The following PRKCZ variants were observed in gnomAD, a reference collection of about 807,000 sequenced individuals.
PRKCZ encodes protein kinase C zeta type.
In PRKCZ, 33 loss-of-function variants were observed where a neutral mutation model predicts 79.5. The ratio of observed to expected loss-of-function variants is 0.41; its 90% CI spans 0.31 to 0.55. PRKCZ has a LOEUF of 0.55. PRKCZ is among the 20% of genes least tolerant of loss of function. PRKCZ has a pLI of 0.19. For synonymous variants in PRKCZ, 342 were observed against 320.9 expected, an observed-to-expected ratio of 1.07 and a Z score of -0.70; for missense variants, 578 against 813.5, an observed-to-expected ratio of 0.71 and a Z score of 3.52.
At chr1:2,131,581 A>G (rs1413068849) in intron 4 of PRKCZ, among the ~76,000 whole-genome samples, 1 of 152,180 alleles carries the variant, frequency 6.6e-6, no homozygotes, top group East Asian at 1.9e-4. Flanking sequence ...TTGTTATTCA[A>G]CATACCATTT....
rs1675956164 is a variant in PRKCZ, at chr1:2,135,299, G to A, written c.372G>A (p.Lys124=). The change falls in exon 5 of 18, where the codon AAG becomes AAA. Residue 124 remains lysine, a synonymous_variant. Transcript: ENST00000378567. ...IYRRGARRWR[K]LYRANGHLFQ... ...GCCGGGGAGCCAGAAGATGGAGGAA[G>A]CTGTACCGTGCCAACGGCCACCTCT... is the stretch of plus-strand genomic sequence containing the variant. 4 of 1,613,520 alleles carry A rather than the reference G, an allele frequency of 2.5e-6. No individual in the cohort carries two copies. Among genetic ancestry groups the A allele is most frequent in the Non-Finnish European group, 3.4e-6 (4 of 1,179,894 alleles).
chr1:2,066,109 T>C (rs1661103227), intron 4 of PRKCZ, among the ~76,000 whole-genome samples: 1 of 152,216 alleles, frequency 6.6e-6, no homozygotes, highest in South Asian at 2.1e-4. Flanking sequence ...ATTACATCTG[T>C]GTTAATAAAG....
At chr1:2,066,411 C>T (rs1286638224) in intron 4 of PRKCZ, among the ~76,000 whole-genome samples, 3 of 152,212 alleles carry the variant, frequency 2.0e-5, no homozygotes, top group Non-Finnish European at 4.4e-5. Context: ...GGCTCGATCT[C>T]AGCTCATGTC....
In PRKCZ at chr1:2,128,789, C is replaced by T. The variant is rs1299454734; in HGVS notation, c.335-6473C>T. Among the ~76,000 whole-genome samples the T allele has an allele frequency of 6.6e-6, 1 of 152,184 alleles. No homozygotes were observed. The highest frequency in any genetic ancestry group is 1.5e-5 in the Non-Finnish European group (1 of 68,032). On this transcript the variant is annotated intron_variant, in intron 4 of 17. Coordinates refer to ENST00000378567, the MANE Select transcript of PRKCZ (RefSeq NM_002744.6). The surrounding 1 kb of genome is among the most constrained non-coding windows in gnomAD (Gnocchi z 6.5). ...CAGGAGACCCCAGGCTGTGTCCACA[C>T]GTACCCCCGGAAGGACCTCCTGCTA... is the stretch of plus-strand genomic sequence containing the variant.
At chr1:2,157,903 C>T (rs1211503515) in intron 10 of PRKCZ, among the ~76,000 whole-genome samples, 1 of 151,784 alleles carries the variant, frequency 6.6e-6, no homozygotes, top group Non-Finnish European at 1.5e-5. Context: ...TTCCCAGCCC[C>T]AGCTCCGGGC....
intron 10 of PRKCZ, among the ~76,000 whole-genome samples, chr1:2,160,202 C>G (rs1460184507): frequency 6.6e-6 from 1 of 151,764 alleles, no homozygotes; most frequent in Non-Finnish European, 1.5e-5. Flanking sequence ...GTCAAACTGA[C>G]TTCTAGACAT....
At chr1:2,120,293 G>GTTTTTTTTTTTTTTTTTT (rs59518072) in intron 4 of PRKCZ, among the ~76,000 whole-genome samples, 2 of 32,832 alleles carry the variant, frequency 6.1e-5, no homozygotes, top group Non-Finnish European at 1.1e-4. Flanking sequence ...TTGACTTTTC[G>GTTTTTTTTTTTTTTTTTT]TTTTTTTTTT....
chr1:2,090,548 C>G (rs1016690656), intron 4 of PRKCZ, among the ~76,000 whole-genome samples: 1 of 152,218 alleles, frequency 6.6e-6, no homozygotes, highest in Admixed American at 6.5e-5. Flanking sequence ...AAGTCTGCCC[C>G]GGTCCCTGGG....
chr1:2,060,400 C>T (rs1007377354), intron 4 of PRKCZ, among the ~76,000 whole-genome samples: 3 of 152,210 alleles, frequency 2.0e-5, no homozygotes, highest in African/African-American at 7.2e-5. Context: ...GGAGCAGATT[C>T]AGGCCAAGAG....
chr1:2,106,622 T>C (rs1383900394), intron 4 of PRKCZ, among the ~76,000 whole-genome samples: 2 of 54,040 alleles, frequency 3.7e-5, no homozygotes, highest in East Asian at 4.7e-4. Context: ...CCAGGCCAGG[T>C]AACTCTCAGC....
chr1:2,184,550 C>G (rs45536443), intron 16 of PRKCZ, 33 bp from the exon 17 acceptor site: 10 of 1,563,984 alleles, frequency 6.4e-6, no homozygotes, highest in Non-Finnish European at 8.8e-6. Flanking sequence ...GATGCCCGCG[C>G]GGAGCTGACC....
At chr1:2,074,991 T>A (rs1662130642) in intron 4 of PRKCZ, 1 of 151,242 alleles carries the variant, frequency 6.6e-6, no homozygotes, top group African/African-American at 2.4e-5. Flanking sequence ...CGGCTTTCCC[T>A]CTCGGGGGGT....
rs1363298096 is a variant in PRKCZ at position 2,128,375 on chromosome 1, C to T, written c.335-6887C>T. 1.3e-5 allele frequency among the ~76,000 whole-genome samples: 2 copies of T among 152,360 alleles called. No individual in the cohort carries two copies. Among genetic ancestry groups the T allele is most frequent in the East Asian group, 1.9e-4 (1 of 5,190 alleles). On this transcript the variant is annotated intron_variant, in intron 4 of 17. Transcript: ENST00000378567. The surrounding 1 kb of genome is among the most constrained non-coding windows in gnomAD (Gnocchi z 6.5). Reference sequence around the variant, plus strand: ...CTGACCTGCTGCCAGGGACTCGGCCCCTCCCTCACCGCCACCGCACCCAAG... The same window carrying T: ...CTGACCTGCTGCCAGGGACTCGGCCTCTCCCTCACCGCCACCGCACCCAAG...
chr1:2,180,880 G>A (rs1242157799), intron 16 of PRKCZ, among the ~76,000 whole-genome samples: 2 of 152,258 alleles, frequency 1.3e-5, no homozygotes, highest in South Asian at 4.1e-4. Context: ...GTGCAGGGTG[G>A]TCTCAGGGAC....
At chr1:2,118,235 G>C in intron 4 of PRKCZ, among the ~76,000 whole-genome samples, 1 of 151,776 alleles carries the variant, frequency 6.6e-6, no homozygotes, top group Admixed American at 6.6e-5. Flanking sequence ...GACCTTAGGT[G>C]ATCCGCCCGC....
At position 2,173,011 on chromosome 1, in the gene PRKCZ, G is replaced by A. The variant is rs1684764690; in HGVS notation, c.1285+623G>A. ...CGTGGGCACGCGTGTGCAGCCCTGT[G>A]TGCGTGTGTGCCGTTGGGCTGAGTG... On this transcript the variant is annotated intron_variant, in intron 13 of 17. Coordinates refer to ENST00000378567, the MANE Select transcript of PRKCZ (RefSeq NM_002744.6). The surrounding 1 kb of genome is among the most constrained non-coding windows in gnomAD (Gnocchi z 5.7). Among the ~76,000 whole-genome samples, 2 of 152,218 alleles carry A rather than the reference G, an allele frequency of 1.3e-5. No individual in the cohort carries two copies. The highest frequency in any genetic ancestry group is 1.3e-4 in the Admixed American group (2 of 15,282).
chr1:2,182,905 T>TA (rs1686901451), intron 16 of PRKCZ: 1 of 152,206 alleles, frequency 6.6e-6, no homozygotes, highest in Admixed American at 6.6e-5. Flanking sequence ...AGGAGTGGGT[T>TA]AGAGAGCGAG....
chr1:2,097,522 G>A (rs1057090737), intron 4 of PRKCZ, among the ~76,000 whole-genome samples: 2 of 152,226 alleles, frequency 1.3e-5, no homozygotes, highest in Non-Finnish European at 2.9e-5. Context: ...AGTGACTGGC[G>A]TAGGCTTTCA....
At chr1:2,114,728 C>T (rs560870790) in intron 4 of PRKCZ, among the ~76,000 whole-genome samples, 144 of 152,008 alleles carry the variant, frequency 9.5e-4, no homozygotes, top group African/African-American at 3.3e-3. Context: ...GGGCCGAGAT[C>T]GTGCCACTGC....
Sources: allele counts gnomAD v4.1 joint callset (sites outside exome capture counted in the v4.1 genomes callset), GRCh38; gene constraint gnomAD v4.1.1; non-coding constraint Gnocchi (gnomAD v3.1); transcripts MANE v1.5; gene names NCBI Gene and HGNC (gene_info 2026-07-23, HGNC 2026-07-21).